MMADHC: variants seen among roughly 807,000 people sequenced by gnomAD.
MMADHC encodes metabolism of cobalamin associated D.
A neutral mutation model predicts 36.3 loss-of-function variants in MMADHC; 23 were observed. The ratio of observed to expected loss-of-function variants is 0.63; its 90% CI spans 0.46 to 0.90. The LOEUF (loss-of-function observed/expected upper bound fraction) is 0.90. Among genes scored for constraint, MMADHC ranks in the 40% least tolerant of loss-of-function variants. MMADHC has a pLI of 0.00. For missense variants in MMADHC, 330 were observed against 348.0 expected (o/e 0.95, Z 0.41); for synonymous variants, 97 against 116.1 (o/e 0.84, Z 1.06).
chr2:149,584,707 T>C (rs1279302402), intron 2 of MMADHC, among the ~76,000 whole-genome samples: 1 of 152,140 alleles, frequency 6.6e-6, no homozygotes, highest in Non-Finnish European at 1.5e-5. Flanking sequence ...AAGCGACAGT[T>C]GATGATAGTA....
intron 4 of MMADHC, among the ~76,000 whole-genome samples, chr2:149,578,804 CTA>C (rs1682753155): frequency 6.6e-6 from 1 of 151,644 alleles, no homozygotes; most frequent in Non-Finnish European, 1.5e-5. Context: ...CAGCCTAAAA[CTA>C]TGCAAAAATA....
chr2:149,574,782 T>C (rs772155896), intron 6 of MMADHC, among the ~76,000 whole-genome samples: 53 of 152,334 alleles, frequency 3.5e-4, no homozygotes, highest in Non-Finnish European at 5.7e-4. Context: ...AGTTGGATTT[T>C]AAACTTATAA....
At chr2:149,584,439 ATCAT>A (rs1259493375) in intron 2 of MMADHC, among the ~76,000 whole-genome samples, 1 of 152,202 alleles carries the variant, frequency 6.6e-6, no homozygotes, top group Non-Finnish European at 1.5e-5. Context: ...ACAATCTGCG[ATCAT>A]TCACATCGTT....
At chr2:149,575,512 AAT>A (rs1277505578) in intron 6 of MMADHC, among the ~76,000 whole-genome samples, 197 bp downstream of exon 6, 1 of 152,194 alleles carries the variant, frequency 6.6e-6, no homozygotes, top group Non-Finnish European at 1.5e-5. Context: ...TGAGGAAAGT[AAT>A]AAACAGAATC....
chr2:149,587,459 A>C, intron 1 of MMADHC: 1 of 370,274 alleles, frequency 2.7e-6, no homozygotes, highest in East Asian at 5.4e-5. Context: ...CTGCTTTAAC[A>C]GAAGTTGGGG....
At chr2:149,571,735 G>C (rs1462080420) in intron 6 of MMADHC, among the ~76,000 whole-genome samples, 1 of 149,198 alleles carries the variant, frequency 6.7e-6, no homozygotes, top group Non-Finnish European at 1.5e-5. Context: ...AGCCGAGATC[G>C]CGCCACTGCA....
At chr2:149,580,638 A>G (rs1682781294) in intron 3 of MMADHC, among the ~76,000 whole-genome samples, 1 of 152,214 alleles carries the variant, frequency 6.6e-6, no homozygotes, top group African/African-American at 2.4e-5. Flanking sequence ...ATATCCTGTC[A>G]GAGAACTAAG....
intron 6 of MMADHC, among the ~76,000 whole-genome samples, chr2:149,575,417 G>A (rs1682700175): frequency 6.6e-6 from 1 of 151,466 alleles, no homozygotes. Context: ...GAGGGAGGGG[G>A]AGGCTGAGGG....
At chr2:149,577,643 G>C (rs1682735944) in intron 4 of MMADHC, among the ~76,000 whole-genome samples, 1 of 151,222 alleles carries the variant, frequency 6.6e-6, no homozygotes, top group Non-Finnish European at 1.5e-5. Context: ...GATTTGCAGA[G>C]CAAAACTCTG....
At chr2:149,574,306 A>C (rs372213411) in intron 6 of MMADHC, among the ~76,000 whole-genome samples, 1 of 152,238 alleles carries the variant, frequency 6.6e-6, no homozygotes, top group African/African-American at 2.4e-5. Flanking sequence ...ATAACTCTCT[A>C]TAACTCCCTT....
At chr2:149,587,308 C>T in intron 1 of MMADHC, 159 bp from the exon 2 acceptor site, 1 of 613,444 alleles carries the variant, frequency 1.6e-6, no homozygotes. Flanking sequence ...GCCCCCATGC[C>T]AGGCACAGAT....
Position 149,576,525 on chromosome 2 carries a change from A to G in MMADHC, c.390T>C (p.Val130=). 6.2e-7 allele frequency: 1 copy of G among 1,612,840 alleles called. No homozygotes were observed. The highest frequency in any genetic ancestry group is 1.1e-5 in the South Asian group (1 of 91,060). The change falls in exon 5 of 8, where the codon GTT becomes GTC. Residue 130 remains valine (V), a synonymous_variant. Coordinates refer to ENST00000303319, the MANE Select transcript of MMADHC (RefSeq NM_015702.3). ...VNEFQGNDAP[V]EQEINSAETY... is the part of the protein sequence containing the mutation. ...TTTCTGCACTGTTAATTTCTTGTTC[A>G]ACAGGTGCATCATTACCCTAAGGGG...
chr2:149,582,087 TG>T (rs752752353), intron 3 of MMADHC, 39 bp downstream of exon 3: 2 of 1,609,698 alleles, frequency 1.2e-6, no homozygotes, highest in South Asian at 1.1e-5. Flanking sequence ...AAAAATGTTT[TG>T]AAACAATTAT....
Position 149,579,467 on chromosome 2 carries a change from A to T in MMADHC, c.336T>A (p.His112Gln), listed in dbSNP as rs746192843. 13 of 1,610,562 alleles carry T rather than the reference A, an allele frequency of 8.1e-6. No homozygotes were observed. Among genetic ancestry groups the T allele is most frequent in the Middle Eastern group, 2.1e-4 (1 of 4,674 alleles). ...VLAEPLSSERHEFVMAQYVNE... is the reference protein window; with the variant it reads ...VLAEPLSSERQEFVMAQYVNE... ...TCACATATTGTGCCATCACAAACTC[A>T]TGTCTTTCACTTGATAAAGGTTCTG... Residue 112 changes from histidine (H) to glutamine (Q), a missense_variant, in exon 4 of 8, where the codon CAT becomes CAA. His to Gln is a conservative substitution (Grantham distance 24). Transcript: ENST00000303319.
At chr2:149,570,950 TCA>T in intron 7 of MMADHC, 133 bp downstream of exon 7, 1 of 688,786 alleles carries the variant, frequency 1.5e-6, no homozygotes, top group Non-Finnish European at 2.5e-6. Context: ...TTCAACTGAC[TCA>T]CAGTAGTATT....
At chr2:149,573,875 CAAA>C (rs60542315) in intron 6 of MMADHC, among the ~76,000 whole-genome samples, 1 of 151,876 alleles carries the variant, frequency 6.6e-6, no homozygotes, top group South Asian at 2.1e-4. Context: ...CAAATTAAAA[CAAA>C]AAAACCAGCT....
Position 149,582,284 on chromosome 2 carries a change from C to T in MMADHC, c.10-13G>A. On this transcript the variant is annotated splice_polypyrimidine_tract_variant and intron_variant, in intron 2 of 7. Transcript: ENST00000303319. ...TGTTACAAAGCACCTAGAAATGACA[C>T]AAAATTAAAACTATTTGTTCTGAAT... The T allele has an allele frequency of 6.2e-7, 1 of 1,612,846 alleles. No homozygotes were observed. The highest frequency in any genetic ancestry group is 8.5e-7 in the Non-Finnish European group (1 of 1,179,176).
At chr2:149,586,850 G>A (rs1682877563) in intron 2 of MMADHC, 1 of 507,892 alleles carries the variant, frequency 2.0e-6, no homozygotes, top group East Asian at 3.1e-5. Flanking sequence ...TACCGAAAGG[G>A]TGCTTGAATT....
intron 2 of MMADHC, among the ~76,000 whole-genome samples, chr2:149,586,178 G>A (rs574681120): frequency 6.6e-6 from 1 of 152,230 alleles, no homozygotes; most frequent in African/African-American, 2.4e-5. Flanking sequence ...AATCTTCCTA[G>A]CACACAGCTC....
Sources: gnomAD v4.1 joint callset for allele counts (sites outside exome capture counted in the v4.1 genomes callset) on GRCh38, gnomAD v4.1.1 for gene constraint, MANE v1.5 for transcripts, NCBI Gene and HGNC (gene_info 2026-07-23, HGNC 2026-07-21) for gene names.